The following RBMS3 variants were observed in gnomAD, a reference collection of about 807,000 sequenced individuals.
RBMS3 encodes the protein RNA binding motif single stranded interacting protein 3.
Under a neutral mutation model 66.8 loss-of-function variants are expected in RBMS3, and 27 were observed. The ratio of observed to expected loss-of-function variants is 0.40; its 90% CI spans 0.30 to 0.56. RBMS3 has a LOEUF of 0.56. Among genes scored for constraint, RBMS3 ranks in the 20% least tolerant of loss-of-function variants. The pLI is 0.40. For missense variants in RBMS3, 513 were observed against 549.5 expected (o/e 0.93, Z 0.66); for synonymous variants, 188 against 183.0 (o/e 1.03, Z -0.22).
intron 6 of RBMS3, among the ~76,000 whole-genome samples, chr3:29,785,706 G>T (rs917028842): frequency 1.3e-5 from 2 of 151,994 alleles, no homozygotes; most frequent in African/African-American, 4.8e-5. Flanking sequence ...CATAATAAAA[G>T]CCGTCTATGA....
At chr3:29,719,079 T>C (rs1316661212) in intron 4 of RBMS3, among the ~76,000 whole-genome samples, 3 of 152,162 alleles carry the variant, frequency 2.0e-5, no homozygotes, top group Non-Finnish European at 4.4e-5. Context: ...ATGAATCACC[T>C]ATGGATCTTG....
At chr3:29,708,643 G>C (rs2053017348) in intron 4 of RBMS3, among the ~76,000 whole-genome samples, 1 of 152,152 alleles carries the variant, frequency 6.6e-6, no homozygotes, top group South Asian at 2.1e-4. Context: ...TCTAGCAGAG[G>C]CTACTGCTCC....
At chr3:29,496,203 AAAAAAAAAAAG>A (rs1245850239) in intron 3 of RBMS3, among the ~76,000 whole-genome samples, 8 of 151,366 alleles carry the variant, frequency 5.3e-5, no homozygotes, top group Admixed American at 5.3e-4. Flanking sequence ...ATCAAAAAAA[AAAAAAAAAAAG>A]AAAAAAAGAA....
At chr3:29,667,623 G>T (rs2050820294) in intron 4 of RBMS3, among the ~76,000 whole-genome samples, 2 of 152,122 alleles carry the variant, frequency 1.3e-5, no homozygotes, top group Admixed American at 1.3e-4. Context: ...TCCCATAGAA[G>T]AAATTATCCT....
intron 10 of RBMS3, among the ~76,000 whole-genome samples, chr3:29,914,340 G>T (rs1172725066): frequency 6.6e-6 from 1 of 151,758 alleles, no homozygotes; most frequent in Non-Finnish European, 1.5e-5. Flanking sequence ...ACTTTTCAAG[G>T]CCAGATAAAG....
At chr3:29,758,126 T>A (rs1351834805) in intron 5 of RBMS3, among the ~76,000 whole-genome samples, 2 of 152,168 alleles carry the variant, frequency 1.3e-5, no homozygotes, top group Non-Finnish European at 2.9e-5. Context: ...TCATATCAGG[T>A]TATATTCCAT....
chr3:29,414,380 T>C (rs1183822605), intron 1 of RBMS3, among the ~76,000 whole-genome samples: 1 of 152,190 alleles, frequency 6.6e-6, no homozygotes, highest in African/African-American at 2.4e-5. Flanking sequence ...ACTTTCATTC[T>C]CTAAAAATAA....
chr3:29,742,310 A>G (rs1011469938), intron 5 of RBMS3, among the ~76,000 whole-genome samples: 3 of 152,180 alleles, frequency 2.0e-5, no homozygotes, highest in African/African-American at 7.2e-5. Flanking sequence ...TGCATTTTGC[A>G]TATAGAAGCC....
intron 4 of RBMS3, among the ~76,000 whole-genome samples, chr3:29,672,118 T>TG (rs201095166): frequency 0.011 from 1,633 of 151,896 alleles, 36 homozygotes; most frequent in African/African-American, 0.038. Flanking sequence ...CAGAAGAGAG[T>TG]GGGGGCCGAT....
intron 1 of RBMS3, among the ~76,000 whole-genome samples, chr3:29,366,885 TAA>T (rs1472697314): frequency 6.6e-6 from 1 of 152,102 alleles, no homozygotes; most frequent in African/African-American, 2.4e-5. Context: ...GACATGAAAA[TAA>T]AAGTCAGTCT....
At chr3:29,295,008 A>G (rs2033126941) in intron 1 of RBMS3, among the ~76,000 whole-genome samples, 2 of 151,596 alleles carry the variant, frequency 1.3e-5, no homozygotes, top group Non-Finnish European at 3.0e-5. Context: ...TCCCTGTACA[A>G]TTACCTACGT....
rs533553357 is a variant in RBMS3 at position 29,889,098 on chromosome 3, A to G, written c.791+4890A>G. On this transcript the variant is annotated intron_variant, in intron 8 of 14. Transcript: ENST00000383767. ...CACTCAAACTTCCCCAGATAGTACG[A>G]ACAGAACTTCATAATTTGGTTACTG... Among the ~76,000 whole-genome samples, 10 of 151,826 alleles carry G rather than the reference A, an allele frequency of 6.6e-5. No homozygotes were observed. In the South Asian group the frequency reaches 1.9e-3, roughly 28 times the overall value.
intron 12 of RBMS3, among the ~76,000 whole-genome samples, chr3:29,954,393 G>A (rs1469026431): frequency 6.6e-6 from 1 of 151,808 alleles, no homozygotes; most frequent in African/African-American, 2.4e-5. Flanking sequence ...TCTCAATCCA[G>A]TTTCTTCTGC....
chr3:29,330,804 C>T (rs1276028195), intron 1 of RBMS3, among the ~76,000 whole-genome samples: 1 of 152,114 alleles, frequency 6.6e-6, no homozygotes, highest in Non-Finnish European at 1.5e-5. Flanking sequence ...TGTCCTAAGG[C>T]ATTCTGCAAA....
intron 4 of RBMS3, among the ~76,000 whole-genome samples, chr3:29,682,274 T>A (rs575846802): frequency 6.6e-6 from 1 of 152,230 alleles, no homozygotes; most frequent in Admixed American, 6.5e-5. Flanking sequence ...GCCTCCTGAG[T>A]AGCTGGGATT....
chr3:29,544,437 TA>T (rs1241685520), intron 3 of RBMS3, among the ~76,000 whole-genome samples: 1 of 152,090 alleles, frequency 6.6e-6, no homozygotes, highest in African/African-American at 2.4e-5. Context: ...TTTTTTATAT[TA>T]AAAACTAACT....
intron 6 of RBMS3, among the ~76,000 whole-genome samples, chr3:29,777,158 C>A (rs1044233651): frequency 2.6e-5 from 4 of 151,872 alleles, no homozygotes; most frequent in Non-Finnish European, 5.9e-5. Flanking sequence ...CAATACTTTT[C>A]ATGCAGATTT....
chr3:29,796,397 G>A (rs970297001), intron 6 of RBMS3, among the ~76,000 whole-genome samples: 1 of 151,984 alleles, frequency 6.6e-6, no homozygotes, highest in Non-Finnish European at 1.5e-5. Flanking sequence ...CTGTTAATAT[G>A]GACATTTTGA....
chr3:29,532,256 A>G (rs2045387729), intron 3 of RBMS3, among the ~76,000 whole-genome samples: 1 of 61,326 alleles, frequency 1.6e-5, no homozygotes, highest in Admixed American at 1.9e-4. Context: ...GTATATATAT[A>G]TATATGTATA....
Sources: gnomAD v4.1 joint callset for allele counts (sites outside exome capture counted in the v4.1 genomes callset) on GRCh38, gnomAD v4.1.1 for gene constraint, MANE v1.5 for transcripts, NCBI Gene and HGNC (gene_info 2026-07-23, HGNC 2026-07-21) for gene names.